The following FBXO16 variants were observed in gnomAD, a reference collection of about 807,000 sequenced individuals.
FBXO16 encodes the protein F-box only protein 16.
A neutral mutation model predicts 41.0 loss-of-function variants in FBXO16; 31 were observed. The ratio of observed to expected loss-of-function variants is 0.76; its 90% CI spans 0.57 to 1.02. FBXO16 has a LOEUF of 1.02. FBXO16 is among the 50% of genes least tolerant of loss of function. The pLI is 0.00. For synonymous variants in FBXO16, 133 were observed against 117.8 expected (o/e 1.13, Z -0.84); for missense variants, 361 against 346.2 (o/e 1.04, Z -0.34).
chr8:28,477,107 T>G (rs1177989193), intron 2 of FBXO16, among the ~76,000 whole-genome samples: 2 of 47,820 alleles, frequency 4.2e-5, no homozygotes, highest in Non-Finnish European at 7.4e-5. Flanking sequence ...GATGACGCAG[T>G]TTTTTTTTTT....
chr8:28,437,100 G>A (rs1448431552), intron 7 of FBXO16, among the ~76,000 whole-genome samples: 1 of 152,196 alleles, frequency 6.6e-6, no homozygotes, highest in Non-Finnish European at 1.5e-5. Context: ...ACTAAAGCAT[G>A]TTATAACAAA....
chr8:28,437,123 T>C (rs1802698890), intron 7 of FBXO16, among the ~76,000 whole-genome samples: 1 of 152,258 alleles, frequency 6.6e-6, no homozygotes, highest in Admixed American at 6.5e-5. Context: ...CGTATATAAC[T>C]AATAATATTA....
At chr8:28,484,179 A>C (rs746005427) in intron 1 of FBXO16, among the ~76,000 whole-genome samples, 5 of 152,226 alleles carry the variant, frequency 3.3e-5, no homozygotes, top group Non-Finnish European at 5.9e-5. Flanking sequence ...CAGGAAGAGA[A>C]GTATTTTAAA....
At chr8:28,480,766 A>C (rs893275505) in intron 2 of FBXO16, among the ~76,000 whole-genome samples, 2 of 152,118 alleles carry the variant, frequency 1.3e-5, no homozygotes, top group African/African-American at 4.8e-5. Flanking sequence ...TGGCCTCCCA[A>C]AGTGCTGGGA....
At chr8:28,476,450 G>C (rs1346397228) in intron 2 of FBXO16, among the ~76,000 whole-genome samples, 1 of 152,128 alleles carries the variant, frequency 6.6e-6, no homozygotes, top group Non-Finnish European at 1.5e-5. Context: ...GTTCTCAGTT[G>C]GACTTATAGT....
chr8:28,487,007 C>T (rs2130213466), intron 1 of FBXO16, among the ~76,000 whole-genome samples: 1 of 152,114 alleles, frequency 6.6e-6, no homozygotes, highest in East Asian at 1.9e-4. Flanking sequence ...TCTCTCCTTT[C>T]CAGTTTGTGT....
At chr8:28,458,715 T>C (rs1031697596) in intron 4 of FBXO16, among the ~76,000 whole-genome samples, 1 of 152,000 alleles carries the variant, frequency 6.6e-6, no homozygotes, top group Admixed American at 6.6e-5. Flanking sequence ...ACTATGCCCA[T>C]CTAATTCTGT....
At chr8:28,473,214 G>A (rs1585916572) in intron 3 of FBXO16, among the ~76,000 whole-genome samples, 2 of 152,050 alleles carry the variant, frequency 1.3e-5, no homozygotes, top group South Asian at 2.1e-4. Flanking sequence ...AATAAGATAC[G>A]ACTTCTGTTT....
At chr8:28,445,974 A>G (rs1802856619) in intron 7 of FBXO16, among the ~76,000 whole-genome samples, 1 of 152,016 alleles carries the variant, frequency 6.6e-6, no homozygotes, top group African/African-American at 2.4e-5. Flanking sequence ...ATTCCTTTCT[A>G]CTTCGTGCCA....
chr8:28,488,217 A>G (rs1397255591), intron 1 of FBXO16, among the ~76,000 whole-genome samples: 1 of 151,502 alleles, frequency 6.6e-6, no homozygotes, highest in Non-Finnish European at 1.5e-5. Flanking sequence ...CTAGTTCTTG[A>G]CATATGGTTC....
chr8:28,468,418 T>C (rs1282651919), intron 3 of FBXO16, among the ~76,000 whole-genome samples: 1 of 152,188 alleles, frequency 6.6e-6, no homozygotes, highest in African/African-American at 2.4e-5. Context: ...GGGAGGGGGA[T>C]AAAGAGAGAG....
At chr8:28,450,919 C>T (rs561315885) in intron 6 of FBXO16, among the ~76,000 whole-genome samples, 10 of 152,026 alleles carry the variant, frequency 6.6e-5, no homozygotes, top group South Asian at 2.1e-4. Flanking sequence ...AATGAGACCC[C>T]GTTCTACAAA....
chr8:28,444,779 C>CTTT lies in FBXO16; in HGVS notation c.843+2389_843+2391dup, dbSNP rs71549666. 8.0e-3 allele frequency among the ~76,000 whole-genome samples: 246 copies of CTTT among 30,814 alleles called. 67 individuals are homozygous for CTTT. The highest frequency in any genetic ancestry group is 0.034 in the African/African-American group (227 of 6,694). 20.2% of individuals were successfully genotyped at this position (30,814 alleles called of 152,430 possible). On this transcript the variant is annotated intron_variant, in intron 7 of 8. Coordinates refer to ENST00000380254, the MANE Select transcript of FBXO16 (RefSeq NM_172366.4). The stretch of plus-strand genomic sequence containing the variant: ...ACAGGTGTGAGCCACCGCGCCCGGA[C>CTTT]TTTTTTTTTTTTTTTTTTTTTTTTT...
intron 4 of FBXO16, 57 bp from the exon 5 acceptor site, chr8:28,456,987 T>C: frequency 1.3e-6 from 2 of 1,555,510 alleles, no homozygotes; most frequent in African/African-American, 1.4e-5. Context: ...TCAGTTTACA[T>C]GCCCACTTTC....
At chr8:28,437,906 C>CA (rs1214590460) in intron 7 of FBXO16, among the ~76,000 whole-genome samples, 2 of 152,016 alleles carry the variant, frequency 1.3e-5, no homozygotes, top group Non-Finnish European at 2.9e-5. Context: ...AGAAACACCA[C>CA]AATGATGAGG....
At chr8:28,473,972 G>C (rs1366227286) in intron 2 of FBXO16, among the ~76,000 whole-genome samples, 165 bp from the exon 3 acceptor site, 1 of 151,892 alleles carries the variant, frequency 6.6e-6, no homozygotes, top group Admixed American at 6.6e-5. Context: ...CCCTGGGCAA[G>C]GTTTCTCTCT....
At chr8:28,476,294 C>T (rs988788018) in intron 2 of FBXO16, among the ~76,000 whole-genome samples, 1 of 152,176 alleles carries the variant, frequency 6.6e-6, no homozygotes, top group Admixed American at 6.5e-5. Flanking sequence ...AGCTCTTTAC[C>T]AGAAGGCATC....
intron 4 of FBXO16, among the ~76,000 whole-genome samples, chr8:28,457,287 G>A (rs1022952193): frequency 6.6e-6 from 1 of 152,164 alleles, no homozygotes; most frequent in South Asian, 2.1e-4. Context: ...CTTTCTAGAG[G>A]TTTCTGAAGG....
At chr8:28,472,757 A>G (rs1325169848) in intron 3 of FBXO16, among the ~76,000 whole-genome samples, 1 of 152,170 alleles carries the variant, frequency 6.6e-6, no homozygotes, top group Non-Finnish European at 1.5e-5. Flanking sequence ...AAAAAAGAAA[A>G]GAAGGCAAGA....
Sources: gnomAD v4.1 joint callset for allele counts (sites outside exome capture counted in the v4.1 genomes callset) on GRCh38, gnomAD v4.1.1 for gene constraint, MANE v1.5 for transcripts, NCBI Gene and HGNC (gene_info 2026-07-23, HGNC 2026-07-21) for gene names.